FAM78A: variants seen among roughly 807,000 people sequenced by gnomAD.
FAM78A encodes protein FAM78A.
A neutral mutation model predicts 22.6 loss-of-function variants in FAM78A; 12 were observed. The ratio of observed to expected loss-of-function variants is 0.53; its 90% CI spans 0.34 to 0.86. The LOEUF (loss-of-function observed/expected upper bound fraction) is 0.86. Among genes scored for constraint, FAM78A ranks in the 40% least tolerant of loss-of-function variants. The probability of loss-of-function intolerance (pLI) is 0.02; values close to 1 mark genes in which losing one functional copy is unlikely to be tolerated. For missense variants in FAM78A, 322 were observed against 396.1 expected (o/e 0.81, Z 1.59); for synonymous variants, 151 against 155.8 (o/e 0.97, Z 0.23).
chr9:131,280,911 T>G (rs1835538343), upstream of FAM78A, among the ~76,000 whole-genome samples: 1 of 152,186 alleles, frequency 6.6e-6, no homozygotes, highest in Non-Finnish European at 1.5e-5. Flanking sequence ...ATCATCCCAT[T>G]CTACAGATGA....
intron 1 of FAM78A, among the ~76,000 whole-genome samples, chr9:131,273,956 G>C (rs1835449520): frequency 6.6e-6 from 1 of 152,208 alleles, no homozygotes; most frequent in Non-Finnish European, 1.5e-5. Context: ...CTCCCGCCCA[G>C]ATCTGCCTAA....
chr9:131,278,131 C>A (rs1324175678), upstream of FAM78A, among the ~76,000 whole-genome samples: 7 of 151,448 alleles, frequency 4.6e-5, no homozygotes, highest in Non-Finnish European at 8.9e-5. Context: ...AGCCCGCCCT[C>A]CCCCTGGTAA....
At chr9:131,267,298 G>A (rs1418779869) in intron 1 of FAM78A, among the ~76,000 whole-genome samples, 1 of 152,224 alleles carries the variant, frequency 6.6e-6, no homozygotes, top group East Asian at 1.9e-4. Flanking sequence ...GGCTGGAGGT[G>A]AGGGGGCATC....
At chr9:131,270,646 A>T (rs894888005) in intron 1 of FAM78A, 1 of 616,764 alleles carries the variant, frequency 1.6e-6, no homozygotes, top group Non-Finnish European at 3.0e-6. Flanking sequence ...GCCAGGGCCC[A>T]GCAGATGGGG....
At chr9:131,279,886 C>G (rs1588202626), upstream of FAM78A, among the ~76,000 whole-genome samples, 1 of 152,208 alleles carries the variant, frequency 6.6e-6, no homozygotes, top group Non-Finnish European at 1.5e-5. Context: ...CAGCTCCGAT[C>G]TGACCAGCTC....
Position 131,259,439 on chromosome 9 carries a change from A to ACCCAGCCCT in FAM78A, c.*1374_*1382dup, listed in dbSNP as rs1835230864. 1 of 149,172 alleles carries ACCCAGCCCT rather than the reference A, an allele frequency of 6.7e-6. No individual in the cohort carries two copies. Among genetic ancestry groups the ACCCAGCCCT allele is most frequent in the African/African-American group, 2.5e-5 (1 of 40,706 alleles). 9.2% of individuals were successfully genotyped at this position (149,172 alleles called of 1,614,324 possible). A position where few individuals can be genotyped will look rare whatever the true frequency, so the allele number is the denominator to read the frequency against. On this transcript the variant is annotated 3_prime_UTR_variant, in exon 2 of 2. Coordinates refer to ENST00000372271, the MANE Select transcript of FAM78A (RefSeq NM_033387.4). Reference sequence around the variant, plus strand: ...TCTGAACCCTCTCGACGATAAGCCCACCCAGCCCTCCCAGCCCTTGGCCTG... The same window carrying ACCCAGCCCT: ...TCTGAACCCTCTCGACGATAAGCCCACCCAGCCCTCCCAGCCCTCCCAGCCCTTGGCCTG...
At position 131,260,597 on chromosome 9, in the gene FAM78A, G is replaced by T; in HGVS notation, c.*225C>A. 2.3e-6 allele frequency: 1 copy of T among 433,998 alleles called. No homozygotes were observed. The highest frequency in any genetic ancestry group is 4.0e-6 in the Non-Finnish European group (1 of 248,584). The allele number at this position is 433,998 out of a possible 1,614,324, so 26.9% of individuals were successfully genotyped here. On this transcript the variant is annotated 3_prime_UTR_variant, in exon 2 of 2. Coordinates refer to ENST00000372271, the MANE Select transcript of FAM78A (RefSeq NM_033387.4). This position sits in a 1 kb window ranked among gnomAD's most constrained non-coding sequence, Gnocchi z 5.4. ...GCAAGGAGACCAGAGGTCACCCTGAGGGCGCACGTGGGGTCTGTCTGTCCT... is the reference window on the plus strand; with the variant it reads ...GCAAGGAGACCAGAGGTCACCCTGATGGCGCACGTGGGGTCTGTCTGTCCT...
At chr9:131,278,000 G>T (rs1835506236), upstream of FAM78A, among the ~76,000 whole-genome samples, 1 of 146,164 alleles carries the variant, frequency 6.8e-6, no homozygotes, top group African/African-American at 2.4e-5. The surrounding 1 kb of genome is among the most constrained non-coding windows in gnomAD (Gnocchi z 8.4). Context: ...CGCACGCAGG[G>T]ACCGCCGCCC....
rs991446731 is a variant in FAM78A at position 131,265,699 on chromosome 9, G to C, written c.324-4349C>G. ...CCGCACCTGGCTGTAAACAACCTGA[G>C]ATTTTCAATGCTGAGACGGCAGAGC... On this transcript the variant is annotated intron_variant, in intron 1 of 1. Transcript: ENST00000372271. The surrounding 1 kb of genome is among the most constrained non-coding windows in gnomAD (Gnocchi z 4.3). 3.3e-5 allele frequency among the ~76,000 whole-genome samples: 5 copies of C among 152,186 alleles called. No individual in the cohort carries two copies. Among genetic ancestry groups the C allele is most frequent in the African/African-American group, 1.2e-4 (5 of 41,450 alleles).
At chr9:131,278,059 G>GCCC (rs893210729), upstream of FAM78A, among the ~76,000 whole-genome samples, 9 of 147,604 alleles carry the variant, frequency 6.1e-5, no homozygotes, top group Non-Finnish European at 1.1e-4. Context: ...GGCGGCGGCG[G>GCCC]CGGGCGGGCG....
upstream of FAM78A, among the ~76,000 whole-genome samples, chr9:131,278,304 C>A (rs1172102669): frequency 6.6e-6 from 1 of 152,174 alleles, no homozygotes; most frequent in East Asian, 1.9e-4. Context: ...CCTTTGAACT[C>A]TATGGACCAG....
At chr9:131,269,371 G>A (rs1835388432) in intron 1 of FAM78A, among the ~76,000 whole-genome samples, 1 of 152,184 alleles carries the variant, frequency 6.6e-6, no homozygotes, top group Admixed American at 6.5e-5. Context: ...CCCTGCCTCA[G>A]AGTCTGCACT....
chr9:131,270,918 G>A (rs1181151172), intron 1 of FAM78A, among the ~76,000 whole-genome samples: 2 of 152,118 alleles, frequency 1.3e-5, no homozygotes, highest in Non-Finnish European at 2.9e-5. Flanking sequence ...AGGCGCCCGA[G>A]GCAGCCATTC....
At chr9:131,262,061 T>C (rs1248769098) in intron 1 of FAM78A, among the ~76,000 whole-genome samples, 1 of 151,748 alleles carries the variant, frequency 6.6e-6, no homozygotes, top group Non-Finnish European at 1.5e-5. Context: ...ACCTCGTCTC[T>C]ACTAAAAATA....
At position 131,264,725 on chromosome 9, in the gene FAM78A, C is replaced by CTTT. The variant is rs1564236515; in HGVS notation, c.324-3376_324-3375insAAA. The CTTT allele has an allele frequency of 7.6e-5, 33 of 431,724 alleles. 1 individual carries two copies. Among genetic ancestry groups the CTTT allele is most frequent in the South Asian group, 1.5e-4 (5 of 32,722 alleles). The allele number at this position is 431,724 out of a possible 1,614,324, so 26.7% of individuals were successfully genotyped here. ...TAATTTGACCTGAAGCCTTTTCTGA[C>CTTT]CTTTTTTTTTTTTTTTGAGACAGAG... On this transcript the variant is annotated intron_variant, in intron 1 of 1. Coordinates refer to ENST00000372271, the MANE Select transcript of FAM78A (RefSeq NM_033387.4).
chr9:131,261,369 AGTTCACTCACTC>A lies in FAM78A; in HGVS notation c.324-31_324-20del. The stretch of plus-strand genomic sequence containing the variant: ...GCTGGACCTGAGGACAAGGAAGGCC[AGTTCACTCACTC>A]GGTCACTCAAGGAGGGCTTTCTGTG... On this transcript the variant is annotated intron_variant, in intron 1 of 1. Coordinates refer to ENST00000372271, the MANE Select transcript of FAM78A (RefSeq NM_033387.4). The surrounding 1 kb of genome is among the most constrained non-coding windows in gnomAD (Gnocchi z 7.1). 1 of 1,552,066 alleles carries A rather than the reference AGTTCACTCACTC, an allele frequency of 6.4e-7. No homozygotes were observed. The highest frequency in any genetic ancestry group is 1.2e-5 in the South Asian group (1 of 83,498).
At chr9:131,278,662 G>A (rs897693891), upstream of FAM78A, among the ~76,000 whole-genome samples, 1 of 152,226 alleles carries the variant, frequency 6.6e-6, no homozygotes, top group Admixed American at 6.5e-5. Context: ...CCCCCCGCAG[G>A]GGTCCCAGTG....
At chr9:131,271,265 T>C (rs1017801062) in intron 1 of FAM78A, among the ~76,000 whole-genome samples, 4 of 152,164 alleles carry the variant, frequency 2.6e-5, no homozygotes, top group African/African-American at 9.7e-5. Context: ...ACTCATGCTA[T>C]AGACAGGTAT....
rs1835297150 is a variant in FAM78A, at chr9:131,263,251, A to AG, written c.324-1902_324-1901insC. On this transcript the variant is annotated intron_variant, in intron 1 of 1. Coordinates refer to ENST00000372271, the MANE Select transcript of FAM78A (RefSeq NM_033387.4). ...CAAGACTCCATCTCAAAAAAAAAAA[A>AG]AAAGAAAAAGAAAAGAGTTCTGAAG... Among the ~76,000 whole-genome samples the AG allele has an allele frequency of 2.0e-5, 3 of 150,928 alleles. No individual in the cohort carries two copies. In the South Asian group the frequency reaches 6.3e-4, roughly 32 times the overall value.
Sources: allele counts gnomAD v4.1 joint callset (sites outside exome capture counted in the v4.1 genomes callset), GRCh38; gene constraint gnomAD v4.1.1; non-coding constraint Gnocchi (gnomAD v3.1); transcripts MANE v1.5; gene names NCBI Gene and HGNC (gene_info 2026-07-23, HGNC 2026-07-21).